Variants in FGFR3 observed in about 807,000 individuals in gnomAD.
The protein encoded by FGFR3 is FGFR-3.
In FGFR3, 25 loss-of-function variants were observed where a neutral mutation model predicts 82.9. That is an observed-to-expected ratio of 0.30 (90% CI 0.22 to 0.42). FGFR3 has a LOEUF of 0.42. Ranked by LOEUF, FGFR3 falls within the 10% of genes least tolerant of loss-of-function variation. FGFR3 has a pLI of 1.00. For synonymous variants in FGFR3, 620 were observed against 516.0 expected, an observed-to-expected ratio of 1.20 and a Z score of -2.73; for missense variants, 1,026 against 1,161.0, an observed-to-expected ratio of 0.88 and a Z score of 1.69.
rs995102735 is a variant in FGFR3 at position 1,795,848 on chromosome 4, ACTC to A, written c.109+1812_109+1814del. ...GAAGGTGCTGGCTGCAACCTCCCCC[ACTC>A]CTCCTCTGCAGGGCTGGACTTTGAG... On this transcript the variant is annotated intron_variant, in intron 2 of 17. Coordinates refer to ENST00000440486, the MANE Select transcript of FGFR3 (RefSeq NM_000142.5). 1.9e-4 allele frequency among the ~76,000 whole-genome samples: 29 copies of A among 151,224 alleles called. No individual in the cohort carries two copies. In the East Asian group the frequency reaches 2.9e-3, roughly 15 times the overall value.
Position 1,801,386 on chromosome 4 carries a change from G to T in FGFR3, c.465G>T (p.Arg155=). Residue 155 remains arginine (R), a synonymous_variant, in exon 5 of 18, where the codon CGG becomes CGT. Coordinates refer to ENST00000440486, the MANE Select transcript of FGFR3 (RefSeq NM_000142.5). The part of the protein sequence containing the change: ...GVDTGAPYWT[R]PERMDKKLLA... ...CCGCAGGGGCCCCTTACTGGACACG[G>T]CCCGAGCGGATGGACAAGAAGCTGC... 6.4e-7 allele frequency: 1 copy of T among 1,556,750 alleles called. No homozygotes were observed. Among genetic ancestry groups the T allele is most frequent in the East Asian group, 2.4e-5 (1 of 41,480 alleles).
intron 8 of FGFR3, 142 bp from the exon 9 acceptor site, chr4:1,804,188 G>A (rs542248182): frequency 2.4e-5 from 23 of 960,978 alleles, no homozygotes; most frequent in Non-Finnish European, 3.2e-5. Flanking sequence ...TACTGACTGC[G>A]AGACCCTCCA....
At chr4:1,797,295 C>G (rs1720626032) in intron 2 of FGFR3, among the ~76,000 whole-genome samples, 1 of 152,198 alleles carries the variant, frequency 6.6e-6, no homozygotes, top group Non-Finnish European at 1.5e-5. Flanking sequence ...ATAGCACCCA[C>G]TCATGCCCCG....
rs995992929 is a variant in FGFR3 at position 1,801,934 on chromosome 4, A to T, written c.839A>T (p.Asp280Val). 6.2e-7 allele frequency: 1 copy of T among 1,612,742 alleles called. No homozygotes were observed. The highest frequency in any genetic ancestry group is 1.3e-5 in the African/African-American group (1 of 75,044). Reference protein sequence around the residue: ...DVEFHCKVYSDAQPHIQWLKH... With the variant: ...DVEFHCKVYSVAQPHIQWLKH... ...GAGTTCCACTGCAAGGTGTACAGTGACGCACAGCCCCACATCCAGTGGCTC... is the reference window on the plus strand; with the variant it reads ...GAGTTCCACTGCAAGGTGTACAGTGTCGCACAGCCCCACATCCAGTGGCTC... Residue 280 changes from aspartate to valine, a missense_variant, in exon 7 of 18, where the codon GAC becomes GTC. By Grantham distance (152) the Asp-to-Val change is radical. Around this residue, in one of 9 missense-constraint regions of FGFR3, gnomAD observed 147 missense variants for 228.1 expected, o/e 0.64. Coordinates refer to ENST00000440486, the MANE Select transcript of FGFR3 (RefSeq NM_000142.5).
chr4:1,805,703 CGGCCCTCCT>C (rs754412063), intron 12 of FGFR3, 34 bp downstream of exon 12: 94 of 1,610,966 alleles, frequency 5.8e-5, no homozygotes, highest in Middle Eastern at 1.6e-4. Context: ...GCCGGCTGGG[CGGCCCTCCT>C]GGGCCTGGCA....
At chr4:1,801,802 G>A (rs2108782939) in intron 6 of FGFR3, 33 bp from the exon 7 acceptor site, 1 of 1,599,548 alleles carries the variant, frequency 6.3e-7, no homozygotes, top group South Asian at 1.1e-5. Context: ...GGTGAGGGAG[G>A]GGGTGGCCCC....
At chr4:1,803,593 G>T in intron 7 of FGFR3, 99 bp from the exon 8 acceptor site, 1 of 1,531,866 alleles carries the variant, frequency 6.5e-7, no homozygotes, top group Non-Finnish European at 8.8e-7. Context: ...GGTGGTGGCG[G>T]CGTTTTCCTT....
In FGFR3 at chr4:1,808,785, C is replaced by CA. The variant is rs1251218422; in HGVS notation, c.*1524dup. 2 of 231,344 alleles carry CA rather than the reference C, an allele frequency of 8.6e-6. No individual in the cohort carries two copies. The highest frequency in any genetic ancestry group is 1.7e-5 in the Non-Finnish European group (2 of 116,774). The allele number at this position is 231,344 out of a possible 1,614,324, so 14.3% of individuals were successfully genotyped here. A position where few individuals can be genotyped will look rare whatever the true frequency, so the allele number is the denominator to read the frequency against. On this transcript the variant is annotated 3_prime_UTR_variant, in exon 18 of 18. Transcript: ENST00000440486. Reference sequence around the variant, plus strand: ...TTCTTGGGGCCCAGTGCATGGTGGCCAGAGGTGTCACCCAAACCGGCAGGT... The same window carrying CA: ...TTCTTGGGGCCCAGTGCATGGTGGCCAAGAGGTGTCACCCAAACCGGCAGGT...
At chr4:1,803,881 C>T (rs773808152) in intron 8 of FGFR3, 45 bp downstream of exon 8, 49 of 1,595,528 alleles carry the variant, frequency 3.1e-5, no homozygotes, top group Middle Eastern at 1.7e-4. Context: ...GTCTGGGGGA[C>T]GCTGGCTCGG....
At chr4:1,795,249 G>A (rs1412186941) in intron 2 of FGFR3, among the ~76,000 whole-genome samples, 1 of 152,140 alleles carries the variant, frequency 6.6e-6, no homozygotes, top group Non-Finnish European at 1.5e-5. Context: ...GTGCCGGAGG[G>A]GCGGCCGCGG....
At chr4:1,799,906 C>A in intron 4 of FGFR3, 94 bp downstream of exon 4, 1 of 1,396,174 alleles carries the variant, frequency 7.2e-7, no homozygotes, top group Non-Finnish European at 9.9e-7. Flanking sequence ...GACTAAGGCC[C>A]CGGAACAACC....
At chr4:1,806,955 G>A (rs2108815466) in intron 17 of FGFR3, 21 bp downstream of exon 17, 1 of 1,574,416 alleles carries the variant, frequency 6.4e-7, no homozygotes, top group Non-Finnish European at 8.6e-7. Context: ...GCTCTGGCCT[G>A]GTGCCACCCG....
At position 1,800,312 on chromosome 4, in the gene FGFR3, C is replaced by T. The variant is rs74972564; in HGVS notation, c.445+500C>T. Among the ~76,000 whole-genome samples the T allele has an allele frequency of 1.9e-3, 290 of 151,728 alleles. 3 individuals carry two copies. The highest frequency in any genetic ancestry group is 6.3e-3 in the African/African-American group (259 of 41,306). ...GAGAGCAGTCGGGGACGATGCCTGGCGTCCCGGCCTGGAACGGTGGCAGGT... is the reference window on the plus strand; with the variant it reads ...GAGAGCAGTCGGGGACGATGCCTGGTGTCCCGGCCTGGAACGGTGGCAGGT... On this transcript the variant is annotated intron_variant, in intron 4 of 17. Coordinates refer to ENST00000440486, the MANE Select transcript of FGFR3 (RefSeq NM_000142.5).
In FGFR3 at chr4:1,805,645, C is replaced by G. The variant is rs747280749; in HGVS notation, c.1621C>G (p.Leu541Val). Reference sequence around the variant, plus strand: ...CGGGAAACACAAAAACATCATCAACCTGCTGGGCGCCTGCACGCAGGGCGG... The same window carrying G: ...CGGGAAACACAAAAACATCATCAACGTGCTGGGCGCCTGCACGCAGGGCGG... ...MIGKHKNIIN[L>V]LGACTQGGPL... Residue 541 changes from leucine to valine, a missense_variant, in exon 12 of 18, where the codon CTG (leucine) becomes GTG (valine). Coordinates refer to ENST00000440486, the MANE Select transcript of FGFR3 (RefSeq NM_000142.5). 1 of 1,613,080 alleles carries G rather than the reference C, an allele frequency of 6.2e-7. No individual in the cohort carries two copies. The highest frequency in any genetic ancestry group is 8.5e-7 in the Non-Finnish European group (1 of 1,179,752).
intron 2 of FGFR3, among the ~76,000 whole-genome samples, chr4:1,795,200 G>A (rs1319850648): frequency 6.6e-6 from 1 of 152,144 alleles, no homozygotes; most frequent in Non-Finnish European, 1.5e-5. Flanking sequence ...AGGTCAGCGC[G>A]CGCTTTTAGC....
rs1245129443 is a variant in FGFR3 at position 1,793,473 on chromosome 4, C to T, written c.-103+8C>T. On this transcript the variant is annotated splice_region_variant and intron_variant, in intron 1 of 17. Transcript: ENST00000440486. Reference sequence around the variant, plus strand: ...GGCTCCGGCGCTCGCCAGGTCCGTGCTTGGGGCCGGGCAGGCTCGCGGAGG... The same window carrying T: ...GGCTCCGGCGCTCGCCAGGTCCGTGTTTGGGGCCGGGCAGGCTCGCGGAGG... The T allele has an allele frequency of 2.0e-5, 3 of 149,302 alleles. No homozygotes were observed. The highest frequency in any genetic ancestry group is 4.9e-5 in the African/African-American group (2 of 41,064). The allele number at this position is 149,302 out of a possible 1,614,324, so 9.2% of individuals were successfully genotyped here.
chr4:1,798,831 T>C (rs1720842718), intron 2 of FGFR3, among the ~76,000 whole-genome samples: 1 of 152,048 alleles, frequency 6.6e-6, no homozygotes, highest in Non-Finnish European at 1.5e-5. Flanking sequence ...CCTGTCCCCT[T>C]TGCCCGCAGC....
intron 7 of FGFR3, among the ~76,000 whole-genome samples, chr4:1,802,520 C>T (rs1412924843): frequency 2.0e-5 from 3 of 152,172 alleles, no homozygotes; most frequent in Admixed American, 6.5e-5. Flanking sequence ...GGGACGGTTG[C>T]GACACTCAAA....
At chr4:1,802,140 G>A in intron 7 of FGFR3, 115 bp downstream of exon 7, 7 of 1,166,136 alleles carry the variant, frequency 6.0e-6, no homozygotes, top group East Asian at 2.6e-5. Context: ...AGCTTCGGGG[G>A]CAGAAGCTGT....
Sources: allele counts gnomAD v4.1 joint callset (sites outside exome capture counted in the v4.1 genomes callset), GRCh38; gene constraint gnomAD v4.1.1; regional missense constraint gnomAD v4.1.1; transcripts MANE v1.5; gene names NCBI Gene and HGNC (gene_info 2026-07-23, HGNC 2026-07-21).